PRKG1: variants seen among roughly 807,000 people sequenced by gnomAD.
PRKG1 encodes cGMP-dependent protein kinase 1.
In PRKG1, 35 loss-of-function variants were observed where a neutral mutation model predicts 88.1. The observed-to-expected ratio is 0.40, with a 90% CI of 0.30 to 0.53. The LOEUF is 0.53. PRKG1 is among the 20% of genes least tolerant of loss of function. PRKG1 has a pLI of 0.59. For synonymous variants in PRKG1, 303 were observed against 292.5 expected (o/e 1.04, Z -0.37); for missense variants, 540 against 839.8 (o/e 0.64, Z 4.41).
At chr10:51,648,209 T>C (rs1839960592) in intron 3 of PRKG1, among the ~76,000 whole-genome samples, 1 of 152,152 alleles carries the variant, frequency 6.6e-6, no homozygotes, top group Admixed American at 6.6e-5. Flanking sequence ...AAATGATAAG[T>C]CATACAAAAA....
chr10:52,054,638 C>A, intron 6 of PRKG1, 77 bp downstream of exon 6: 1 of 1,214,910 alleles, frequency 8.2e-7, no homozygotes, highest in Non-Finnish European at 1.2e-6. Flanking sequence ...GGAACACATG[C>A]AGAGTCTTGT....
At chr10:51,456,670 A>G (rs1839594374) in intron 2 of PRKG1, among the ~76,000 whole-genome samples, 1 of 152,204 alleles carries the variant, frequency 6.6e-6, no homozygotes, top group Non-Finnish European at 1.5e-5. Context: ...AGAGTGGGAA[A>G]AAATATTCAC....
chr10:51,757,270 T>C (rs1828942489), intron 3 of PRKG1, among the ~76,000 whole-genome samples: 1 of 151,844 alleles, frequency 6.6e-6, no homozygotes, highest in African/African-American at 2.4e-5. Context: ...TCCAGCTAAT[T>C]TTTTTGTATT....
rs190755803 is a variant in PRKG1, at chr10:51,872,590, C to A, written c.699-34917C>A. On this transcript the variant is annotated intron_variant, in intron 4 of 17. Transcript: ENST00000373980. The stretch of plus-strand genomic sequence containing the variant: ...TTTTCTTAAAACCTTTAAAAAATTT[C>A]TTTTAGCATCATTAAATAACTATAT... 4.7e-3 allele frequency among the ~76,000 whole-genome samples: 722 copies of A among 152,150 alleles called. 8 individuals are homozygous for A. Among genetic ancestry groups the A allele is most frequent in the African/African-American group, 0.017 (694 of 41,536 alleles).
intron 2 of PRKG1, among the ~76,000 whole-genome samples, chr10:51,374,126 C>A (rs1385409154): frequency 8.7e-6 from 1 of 115,342 alleles, no homozygotes; most frequent in Admixed American, 8.7e-5. Flanking sequence ...ACTTTAAGTT[C>A]TGGGATACAT....
intron 5 of PRKG1, 39 bp from the exon 6 acceptor site, chr10:52,054,445 G>C (rs756017101): frequency 1.6e-5 from 24 of 1,513,392 alleles, no homozygotes; most frequent in Non-Finnish European, 2.2e-5. Flanking sequence ...GTAACTTACT[G>C]CTTGCTTAAT....
rs55983863 is a variant in PRKG1, at chr10:51,321,097, G to T, written c.479-146626G>T. Among the ~76,000 whole-genome samples the T allele has an allele frequency of 6.2e-3, 949 of 152,010 alleles. 10 individuals carry two copies. Among genetic ancestry groups the T allele is most frequent in the African/African-American group, 0.022 (907 of 41,468 alleles). Reference sequence around the variant, plus strand: ...AAAAAATTTTGTTTAAATTTTTTTTGTGTGTATATGGTGCAATTCAGTGCT... The same window carrying T: ...AAAAAATTTTGTTTAAATTTTTTTTTTGTGTATATGGTGCAATTCAGTGCT... On this transcript the variant is annotated intron_variant, in intron 2 of 17. Transcript: ENST00000373980.
chr10:51,896,630 C>T (rs568303096), intron 4 of PRKG1, among the ~76,000 whole-genome samples: 32 of 118,182 alleles, frequency 2.7e-4, no homozygotes, highest in East Asian at 1.7e-3. Flanking sequence ...GGTGACAGAG[C>T]GAGACCCTGT....
chr10:51,240,660 A>T (rs1839127624), intron 2 of PRKG1, among the ~76,000 whole-genome samples: 2 of 152,182 alleles, frequency 1.3e-5, no homozygotes, highest in South Asian at 4.1e-4. Context: ...GATCAAACAA[A>T]ATCCTGCAGG....
chr10:51,750,257 C>T (rs1837689183), intron 3 of PRKG1, among the ~76,000 whole-genome samples: 2 of 152,070 alleles, frequency 1.3e-5, no homozygotes, highest in Non-Finnish European at 2.9e-5. Context: ...TGTTAATCTC[C>T]AAATATTAGC....
chr10:51,461,872 A>G (rs1339510220), intron 2 of PRKG1, among the ~76,000 whole-genome samples: 1 of 152,158 alleles, frequency 6.6e-6, no homozygotes, highest in Non-Finnish European at 1.5e-5. Flanking sequence ...CAGCCTCATC[A>G]ATTTCTACTT....
intron 1 of PRKG1, among the ~76,000 whole-genome samples, chr10:51,098,965 G>A (rs949201611): frequency 2.0e-5 from 3 of 152,190 alleles, no homozygotes; most frequent in African/African-American, 7.2e-5. Context: ...ACATATGAGA[G>A]CACAAAAGCC....
chr10:51,909,722 G>A (rs900929692), intron 5 of PRKG1: 2 of 151,910 alleles, frequency 1.3e-5, no homozygotes, highest in Admixed American at 6.5e-5. Flanking sequence ...GCCTGTGGAA[G>A]TAGGAGGAAA....
intron 3 of PRKG1, among the ~76,000 whole-genome samples, chr10:51,781,741 A>G (rs1483769172): frequency 1.3e-5 from 2 of 152,156 alleles, no homozygotes; most frequent in Non-Finnish European, 2.9e-5. Flanking sequence ...TGTAGCAAGT[A>G]TGTTTCTATG....
At chr10:51,567,145 A>T (rs1195920256) in intron 3 of PRKG1, among the ~76,000 whole-genome samples, 3 of 152,088 alleles carry the variant, frequency 2.0e-5, no homozygotes, top group African/African-American at 7.2e-5. Flanking sequence ...ACTCAATTTT[A>T]AAAATTTTCT....
intron 12 of PRKG1, among the ~76,000 whole-genome samples, chr10:52,272,701 G>A (rs926567768): frequency 6.6e-6 from 1 of 151,984 alleles, no homozygotes; most frequent in Non-Finnish European, 1.5e-5. Flanking sequence ...AGGCTTAGTC[G>A]ATCATAAAAA....
intron 3 of PRKG1, among the ~76,000 whole-genome samples, chr10:51,762,092 A>G (rs1041744270): frequency 6.6e-6 from 1 of 152,214 alleles, no homozygotes; most frequent in Admixed American, 6.5e-5. Flanking sequence ...CTGAGTTAAT[A>G]GTTTTATAGA....
chr10:51,852,519 A>C (rs1489681494), intron 4 of PRKG1, among the ~76,000 whole-genome samples: 1 of 152,098 alleles, frequency 6.6e-6, no homozygotes, highest in South Asian at 2.1e-4. Context: ...TGACATGTAC[A>C]TCTTAGAGAT....
chr10:51,406,613 T>A (rs934401900), intron 2 of PRKG1, among the ~76,000 whole-genome samples: 2 of 101,820 alleles, frequency 2.0e-5, no homozygotes. Context: ...AAAATAAGCA[T>A]TATGTTTGTT....
Sources: allele counts gnomAD v4.1 joint callset (sites outside exome capture counted in the v4.1 genomes callset), GRCh38; gene constraint gnomAD v4.1.1; transcripts MANE v1.5; gene names NCBI Gene and HGNC (gene_info 2026-07-23, HGNC 2026-07-21).